Variants in TRPM3 observed in about 807,000 individuals in gnomAD.
TRPM3 encodes long transient receptor potential channel 3.
A neutral mutation model predicts 181.2 loss-of-function variants in TRPM3; 77 were observed. The observed-to-expected ratio is 0.42, with a 90% CI of 0.35 to 0.51. The LOEUF is 0.51. Among genes scored for constraint, TRPM3 ranks in the 20% least tolerant of loss-of-function variants. The pLI, the probability that TRPM3 is intolerant of heterozygous loss-of-function variation, is 0.01. For synonymous variants in TRPM3, 745 were observed against 796.4 expected (o/e 0.94, Z 1.09); for missense variants, 1,759 against 2,196.7 (o/e 0.80, Z 3.98).
rs996708917 is a variant in TRPM3, at chr9:70,559,591, T to C, written c.3224-6281A>G. On this transcript the variant is annotated intron_variant, in intron 22 of 25. Coordinates refer to ENST00000677713, the MANE Select transcript of TRPM3 (RefSeq NM_001366145.2). ...CGTTGCCAATTAATCTTGATGTTTT[T>C]TCCCTCTGAGCCAAGATGTGACCTT... Among the ~76,000 whole-genome samples, 8 of 152,320 alleles carry C rather than the reference T, an allele frequency of 5.3e-5. No individual in the cohort carries two copies. The South Asian group carries it at 1.2e-3, about 24-fold the overall frequency.
chr9:70,949,045 T>C (rs1171192783), intron 1 of TRPM3, among the ~76,000 whole-genome samples: 2 of 152,064 alleles, frequency 1.3e-5, no homozygotes, highest in Admixed American at 6.6e-5. Context: ...ATTCAATTAG[T>C]ATTTAAATCC....
chr9:71,365,896 A>G (rs1335201991), intron 1 of TRPM3, among the ~76,000 whole-genome samples: 2 of 152,182 alleles, frequency 1.3e-5, no homozygotes, highest in East Asian at 3.9e-4. Flanking sequence ...ATAAACCAAT[A>G]TACAGATAAA....
intron 1 of TRPM3, among the ~76,000 whole-genome samples, chr9:71,179,801 G>A (rs2077295149): frequency 6.6e-6 from 1 of 152,038 alleles, no homozygotes; most frequent in Non-Finnish European, 1.5e-5. Context: ...CAAACATTCT[G>A]TTTAAACAAA....
At chr9:71,279,516 T>C (rs920011374) in intron 1 of TRPM3, among the ~76,000 whole-genome samples, 2 of 152,098 alleles carry the variant, frequency 1.3e-5, no homozygotes, top group Admixed American at 6.5e-5. Flanking sequence ...CATGCACATG[T>C]GTTTGTGGCA....
chr9:70,552,586 T>G (rs1033427948), intron 24 of TRPM3, among the ~76,000 whole-genome samples: 4 of 152,210 alleles, frequency 2.6e-5, no homozygotes, highest in African/African-American at 9.7e-5. Flanking sequence ...AAAATAGCCC[T>G]GCTGGAGACT....
chr9:70,981,903 T>C (rs1178732159), intron 1 of TRPM3, among the ~76,000 whole-genome samples: 1 of 152,186 alleles, frequency 6.6e-6, no homozygotes, highest in African/African-American at 2.4e-5. Context: ...CTCCATCCAA[T>C]AAAACACTAA....
intron 1 of TRPM3, among the ~76,000 whole-genome samples, chr9:71,051,047 TC>T (rs991988674): frequency 6.6e-6 from 1 of 152,198 alleles, no homozygotes; most frequent in African/African-American, 2.4e-5. Context: ...AAACTGTGTC[TC>T]CCAGTTCCTG....
intron 1 of TRPM3, among the ~76,000 whole-genome samples, chr9:71,217,756 C>T (rs1056817865): frequency 6.6e-6 from 1 of 152,136 alleles, no homozygotes; most frequent in African/African-American, 2.4e-5. Flanking sequence ...ACCAACCAAA[C>T]AAACAAACCT....
chr9:71,422,259 T>A (rs1232592448), intron 1 of TRPM3, among the ~76,000 whole-genome samples: 1 of 152,028 alleles, frequency 6.6e-6, no homozygotes, highest in Non-Finnish European at 1.5e-5. Flanking sequence ...TCTGACATCA[T>A]ACTGAAAGAA....
rs1159894279 is a variant in TRPM3, at chr9:70,529,191, A to C, written c.*6762T>G. On this transcript the variant is annotated 3_prime_UTR_variant, in exon 26 of 26. Coordinates refer to ENST00000677713, the MANE Select transcript of TRPM3 (RefSeq NM_001366145.2). Reference sequence around the variant, plus strand: ...ATCTAAACAATCAAACTCAAAGTGCATTGTGAATCCAATAATAGACCTTTA... The same window carrying C: ...ATCTAAACAATCAAACTCAAAGTGCCTTGTGAATCCAATAATAGACCTTTA... The C allele has an allele frequency of 6.6e-6, 1 of 152,154 alleles. No homozygotes were observed. Among genetic ancestry groups the C allele is most frequent in the Non-Finnish European group, 1.5e-5 (1 of 68,042 alleles). 9.4% of individuals were successfully genotyped at this position (152,154 alleles called of 1,614,324 possible). A position where few individuals can be genotyped will look rare whatever the true frequency, so the allele number is the denominator to read the frequency against.
intron 1 of TRPM3, among the ~76,000 whole-genome samples, chr9:70,895,217 T>G (rs1200216092): frequency 1.3e-5 from 2 of 152,226 alleles, no homozygotes; most frequent in Non-Finnish European, 2.9e-5. Context: ...TACACAATTC[T>G]CAAATATACA....
intron 12 of TRPM3, among the ~76,000 whole-genome samples, chr9:70,629,215 C>CGG (rs550040624): frequency 0.067 from 680 of 10,114 alleles, 222 homozygotes; most frequent in Non-Finnish European, 0.12. Context: ...TGACCAGTGC[C>CGG]GGGGGGGGGG....
In TRPM3 at chr9:71,317,696, C is replaced by T. The variant is rs1022882944; in HGVS notation, c.183+128957G>A. Among the ~76,000 whole-genome samples, 12 of 151,470 alleles carry T rather than the reference C, an allele frequency of 7.9e-5. 1 individual carries two copies. The highest frequency in any genetic ancestry group is 6.3e-4 in the South Asian group (3 of 4,778). ...ATATATATACACACACACACACACG[C>T]GCACACGCGCGAGAGAGAAGGTGCA... On this transcript the variant is annotated intron_variant, in intron 1 of 24. Coordinates refer to the TRPM3 transcript ENST00000357533.
chr9:70,915,480 T>A (rs886366881), intron 1 of TRPM3, among the ~76,000 whole-genome samples: 7 of 150,406 alleles, frequency 4.7e-5, no homozygotes, highest in South Asian at 2.1e-4. Context: ...TTTTTTTTTT[T>A]ATTTTTAGTA....
intron 1 of TRPM3, among the ~76,000 whole-genome samples, chr9:71,354,578 G>C (rs2091816160): frequency 6.6e-6 from 1 of 152,202 alleles, no homozygotes; most frequent in South Asian, 2.1e-4. Context: ...TACACAGCTT[G>C]TCAGCTTTTC....
chr9:70,839,084 G>A (rs1047055271), intron 5 of TRPM3, among the ~76,000 whole-genome samples: 3 of 152,128 alleles, frequency 2.0e-5, no homozygotes, highest in Non-Finnish European at 2.9e-5. Flanking sequence ...GTTAAAAAAT[G>A]TCCCCACTGT....
intron 1 of TRPM3, among the ~76,000 whole-genome samples, chr9:71,067,143 C>T (rs1181251462): frequency 6.6e-6 from 1 of 152,118 alleles, no homozygotes; most frequent in Non-Finnish European, 1.5e-5. Context: ...TGAACATGTA[C>T]AGAAGTCAAG....
chr9:71,303,988 C>G (rs1325616599), intron 1 of TRPM3, among the ~76,000 whole-genome samples: 1 of 151,820 alleles, frequency 6.6e-6, no homozygotes, highest in Non-Finnish European at 1.5e-5. Flanking sequence ...TATTTTAAAA[C>G]AACATATTGT....
At chr9:71,439,705 T>C (rs556814631) in intron 1 of TRPM3, among the ~76,000 whole-genome samples, 13 of 152,168 alleles carry the variant, frequency 8.5e-5, no homozygotes, top group Non-Finnish European at 1.5e-4. Flanking sequence ...CAAAAAAATA[T>C]GAAGAAAAGA....
Sources: gnomAD v4.1 joint callset for allele counts (sites outside exome capture counted in the v4.1 genomes callset) on GRCh38, gnomAD v4.1.1 for gene constraint, MANE v1.5 for transcripts, NCBI Gene and HGNC (gene_info 2026-07-23, HGNC 2026-07-21) for gene names.